AIF1L: variants seen among roughly 807,000 people sequenced by gnomAD.
The protein encoded by AIF1L is allograft inflammatory factor 1-like.
AIF1L carries 12 observed loss-of-function variants against 20.7 expected under a neutral mutation model. The observed-to-expected ratio is 0.58, with a 90% confidence interval of 0.37 to 0.94. AIF1L has a LOEUF of 0.94. AIF1L is among the 40% of genes least tolerant of loss of function. The probability of loss-of-function intolerance (pLI) is 0.01; values close to 1 mark genes in which losing one functional copy is unlikely to be tolerated. For missense variants in AIF1L, 173 were observed against 185.3 expected (o/e 0.93, Z 0.39); for synonymous variants, 76 against 65.1 (o/e 1.17, Z -0.81).
At chr9:131,114,274 G>A (rs1054998626) in intron 3 of AIF1L, 6 of 357,958 alleles carry the variant, frequency 1.7e-5, no homozygotes, top group African/African-American at 8.2e-5. Context: ...TAACTCAGAT[G>A]CAGCTGGTCT....
chr9:131,118,206 C>A (rs1173834805), intron 5 of AIF1L, among the ~76,000 whole-genome samples: 1 of 152,028 alleles, frequency 6.6e-6, no homozygotes, highest in African/African-American at 2.4e-5. Context: ...GATTCTTCTG[C>A]CTCAGCCTCC....
chr9:131,105,747 G>A (rs1045516129), intron 2 of AIF1L, among the ~76,000 whole-genome samples: 2 of 152,082 alleles, frequency 1.3e-5, no homozygotes, highest in East Asian at 3.9e-4. Context: ...CTGCCTGATC[G>A]TTGCAGGGGT....
intron 2 of AIF1L, among the ~76,000 whole-genome samples, chr9:131,107,049 C>T (rs1218475572): frequency 2.0e-5 from 3 of 152,076 alleles, no homozygotes; most frequent in South Asian, 2.1e-4. Context: ...GCTGAGATCG[C>T]GCCACTGCAC....
In AIF1L at chr9:131,114,606, G is replaced by A. The variant is rs1442444245; in HGVS notation, c.190G>A (p.Glu64Lys). 6.2e-7 allele frequency: 1 copy of A among 1,614,042 alleles called. No individual in the cohort carries two copies. Among genetic ancestry groups the A allele is most frequent in the Non-Finnish European group, 8.5e-7 (1 of 1,179,982 alleles). Reference protein sequence around the residue: ...EKYMEFDLNNEGEIDLMSLKR... With the variant: ...EKYMEFDLNNKGEIDLMSLKR... Reference sequence around the variant, plus strand: ...GTACATGGAGTTTGACCTGAACAATGAAGGCGAGATTGGTGAGTGAAGCCT... The same window carrying A: ...GTACATGGAGTTTGACCTGAACAATAAAGGCGAGATTGGTGAGTGAAGCCT... Residue 64 changes from glutamate (E) to lysine (K), a missense_variant, in exon 4 of 6, where the codon GAA becomes AAA. Coordinates refer to ENST00000247291, the MANE Select transcript of AIF1L (RefSeq NM_031426.4).
rs958296702 is a variant in AIF1L at position 131,121,683 on chromosome 9, T to TGTTAGTTATGAGAACA, written c.*1362_*1363insTTAGTTATGAGAACAG. 6.6e-6 allele frequency: 1 copy of TGTTAGTTATGAGAACA among 152,604 alleles called. No individual in the cohort carries two copies. Among genetic ancestry groups the TGTTAGTTATGAGAACA allele is most frequent in the Admixed American group, 6.5e-5 (1 of 15,278 alleles). 9.5% of individuals were successfully genotyped at this position (152,604 alleles called of 1,614,324 possible). A position where few individuals can be genotyped will look rare whatever the true frequency, so the allele number is the denominator to read the frequency against. Reference sequence around the variant, plus strand: ...GTTAGTTATGAGAACAGGGAAGGGCTGGGAAGAGACAGCCTCCAAGGTCAA... The same window carrying TGTTAGTTATGAGAACA: ...GTTAGTTATGAGAACAGGGAAGGGCTGTTAGTTATGAGAACAGGGAAGAGACAGCCTCCAAGGTCAA... On this transcript the variant is annotated 3_prime_UTR_variant, in exon 6 of 6. Coordinates refer to ENST00000247291, the MANE Select transcript of AIF1L (RefSeq NM_031426.4).
rs199764249 is a variant in AIF1L, at chr9:131,100,928, C to T, written c.93+4065C>T. The stretch of plus-strand genomic sequence containing the variant: ...TCTTTCTTTTTTTGAGACGGCGTCT[C>T]GCTCTGTCACCCAGGGTGGAGTGCA... On this transcript the variant is annotated intron_variant, in intron 2 of 5. Coordinates refer to ENST00000247291, the MANE Select transcript of AIF1L (RefSeq NM_031426.4). Among the ~76,000 whole-genome samples the T allele has an allele frequency of 1.1e-4, 16 of 152,108 alleles. No individual in the cohort carries two copies. In the East Asian group the frequency reaches 1.5e-3, roughly 15 times the overall value.
intron 2 of AIF1L, among the ~76,000 whole-genome samples, chr9:131,099,554 A>T (rs947274775): frequency 6.6e-6 from 1 of 152,158 alleles, no homozygotes; most frequent in Non-Finnish European, 1.5e-5. Context: ...TCACTGCCAA[A>T]GCCCTGCTTC....
At chr9:131,109,533 T>C (rs576027826) in intron 2 of AIF1L, among the ~76,000 whole-genome samples, 12 of 152,156 alleles carry the variant, frequency 7.9e-5, no homozygotes, top group Admixed American at 4.6e-4. Flanking sequence ...GACTCCAGCC[T>C]GGGTGACAAG....
intron 3 of AIF1L, 64 bp downstream of exon 3, chr9:131,111,727 C>A (rs1045023731): frequency 5.4e-6 from 8 of 1,473,408 alleles, no homozygotes; most frequent in Non-Finnish European, 6.6e-6. Flanking sequence ...CTCATCCTTG[C>A]ACACAGGACC....
rs572707655 is a variant in AIF1L, at chr9:131,112,916, A to G, written c.160+1253A>G. Among the ~76,000 whole-genome samples the G allele has an allele frequency of 2.6e-5, 4 of 152,122 alleles. 1 individual carries two copies. The South Asian group carries it at 8.3e-4, about 32-fold the overall frequency. ...TCTGGCACCCTTTCTACTTGTCTTCACTGGAATGTTGGGCCAGACAGGAAG... is the reference window on the plus strand; with the variant it reads ...TCTGGCACCCTTTCTACTTGTCTTCGCTGGAATGTTGGGCCAGACAGGAAG... On this transcript the variant is annotated intron_variant, in intron 3 of 5. Coordinates refer to ENST00000247291, the MANE Select transcript of AIF1L (RefSeq NM_031426.4).
chr9:131,096,975 TC>T, intron 2 of AIF1L, 112 bp downstream of exon 2: 1 of 1,215,692 alleles, frequency 8.2e-7, no homozygotes, highest in Non-Finnish European at 1.1e-6. Context: ...TTCCTTCCCT[TC>T]CCCTGGGCTT....
At chr9:131,117,680 A>C in intron 4 of AIF1L, 76 bp from the exon 5 acceptor site, 1 of 1,477,902 alleles carries the variant, frequency 6.8e-7, no homozygotes, top group South Asian at 1.4e-5. Context: ...GGGGTGCCTG[A>C]GTGGAGCTTT....
chr9:131,096,547 A>T lies in AIF1L; in HGVS notation c.-83A>T, dbSNP rs1408345375. The T allele has an allele frequency of 6.9e-7, 1 of 1,449,370 alleles. No individual in the cohort carries two copies. The allele number at this position is 1,449,370 out of a possible 1,614,324, so 89.8% of individuals were successfully genotyped here. A position where few individuals can be genotyped will look rare whatever the true frequency, so the allele number is the denominator to read the frequency against. On this transcript the variant is annotated 5_prime_UTR_variant, in exon 1 of 6. Transcript: ENST00000247291. ...CCCGCGGCCACACGCAGCTAGCCGG[A>T]GCCCGGACCAGGCGCCTGTGCCTCC...
rs755681970 is a variant in AIF1L at position 131,117,852 on chromosome 9, G to A, written c.299G>A (p.Ser100Asn). The change falls in exon 5 of 6, where the codon AGT becomes AAT. Residue 100 changes from serine to asparagine, a missense_variant. Coordinates refer to ENST00000247291, the MANE Select transcript of AIF1L (RefSeq NM_031426.4). Reference sequence around the variant, plus strand: ...ATCTCAGAGGTGACAGGAGGGGTCAGTGACACTATATCCTACCGAGACTTT... The same window carrying A: ...ATCTCAGAGGTGACAGGAGGGGTCAATGACACTATATCCTACCGAGACTTT... Reference protein sequence around the residue: ...KMISEVTGGVSDTISYRDFVN... With the variant: ...KMISEVTGGVNDTISYRDFVN... 1 of 1,614,196 alleles carries A rather than the reference G, an allele frequency of 6.2e-7. No individual in the cohort carries two copies. Among genetic ancestry groups the A allele is most frequent in the Non-Finnish European group, 8.5e-7 (1 of 1,180,024 alleles).
Position 131,096,805 on chromosome 9 carries a change from G to A in AIF1L, c.35G>A (p.Gly12Glu), listed in dbSNP as rs1373610662. The change falls in exon 2 of 6, where the codon GGG becomes GAG. Residue 12 changes from glycine (G) to glutamate (E), a missense_variant. By Grantham distance (98) the Gly-to-Glu change is moderately conservative (BLOSUM62 -2). Transcript: ENST00000247291. ...SGELSNRFQG[G>E]KAFGLLKARQ... ...GCCGCCTCTTTGTCTCCTCCAGGAGGGAAGGCGTTCGGCTTGCTCAAAGCC... is the reference window on the plus strand; with the variant it reads ...GCCGCCTCTTTGTCTCCTCCAGGAGAGAAGGCGTTCGGCTTGCTCAAAGCC... 18 of 1,534,536 alleles carry A rather than the reference G, an allele frequency of 1.2e-5. No homozygotes were observed. Among genetic ancestry groups the A allele is most frequent in the Non-Finnish European group, 1.5e-5 (17 of 1,141,944 alleles).
chr9:131,122,760 T>G lies in AIF1L; in HGVS notation c.*2438T>G, dbSNP rs1378728358. The G allele has an allele frequency of 6.6e-6, 1 of 151,836 alleles. No individual in the cohort carries two copies. The highest frequency in any genetic ancestry group is 1.5e-5 in the Non-Finnish European group (1 of 68,038). The allele number at this position is 151,836 out of a possible 1,614,324, so 9.4% of individuals were successfully genotyped here. On this transcript the variant is annotated 3_prime_UTR_variant, in exon 6 of 6. Coordinates refer to ENST00000247291, the MANE Select transcript of AIF1L (RefSeq NM_031426.4). ...AGAGGGTTTTCTCATTGAATGGGGG[T>G]GGGGGCTCGTGTGTCCTGGGAAACC... is the stretch of plus-strand genomic sequence containing the variant.
Position 131,121,008 on chromosome 9 carries a change from G to A in AIF1L, c.*686G>A. 1 of 650,220 alleles carries A rather than the reference G, an allele frequency of 1.5e-6. No individual in the cohort carries two copies. The highest frequency in any genetic ancestry group is 2.9e-6 in the Non-Finnish European group (1 of 349,274). 40.3% of individuals were successfully genotyped at this position (650,220 alleles called of 1,614,324 possible). A position where few individuals can be genotyped will look rare whatever the true frequency, so the allele number is the denominator to read the frequency against. On this transcript the variant is annotated 3_prime_UTR_variant, in exon 6 of 6. Transcript: ENST00000247291. ...TGTGCAGGCAGCTGAGAGGCAGCGT[G>A]CAGCCCTACTGTCCCTTACTGGGGC...
chr9:131,106,094 G>C, intron 2 of AIF1L: 1 of 1,378,604 alleles, frequency 7.3e-7, no homozygotes, highest in South Asian at 1.3e-5. Flanking sequence ...GATGTTTATT[G>C]AGTGTCTACG....
At chr9:131,109,375 A>G (rs1247435632) in intron 2 of AIF1L, among the ~76,000 whole-genome samples, 1 of 152,062 alleles carries the variant, frequency 6.6e-6, no homozygotes, top group Admixed American at 6.6e-5. Context: ...CCTGGCCAAC[A>G]TGGTAAAATC....
Sources: allele counts gnomAD v4.1 joint callset (sites outside exome capture counted in the v4.1 genomes callset), GRCh38; gene constraint gnomAD v4.1.1; transcripts MANE v1.5; gene names NCBI Gene and HGNC (gene_info 2026-07-23, HGNC 2026-07-21).